Variants in TMPRSS4 observed in about 807,000 individuals in gnomAD.
TMPRSS4 encodes transmembrane protease serine 4.
A neutral mutation model predicts 56.4 loss-of-function variants in TMPRSS4; 45 were observed. The ratio of observed to expected loss-of-function variants is 0.80; its 90% CI spans 0.63 to 1.02. TMPRSS4 has a LOEUF of 1.02. Among genes scored for constraint, TMPRSS4 ranks in the 50% least tolerant of loss-of-function variants. The probability of loss-of-function intolerance (pLI) is 0.00; values close to 1 mark genes in which losing one functional copy is unlikely to be tolerated. For missense variants in TMPRSS4, 546 were observed against 556.7 expected (o/e 0.98, Z 0.19); for synonymous variants, 205 against 211.0 (o/e 0.97, Z 0.25).
chr11:118,112,824 C>CTTTTT (rs5795113), intron 8 of TMPRSS4, among the ~76,000 whole-genome samples: 3 of 128,464 alleles, frequency 2.3e-5, no homozygotes, highest in Admixed American at 8.1e-5. Flanking sequence ...TTTTTAACCA[C>CTTTTT]TTTTTTTTTT....
intron 9 of TMPRSS4, 113 bp downstream of exon 9, chr11:118,113,548 C>T: frequency 7.8e-7 from 1 of 1,279,474 alleles, no homozygotes; most frequent in Non-Finnish European, 1.1e-6. Flanking sequence ...AAGTCCTCAG[C>T]TTGCCCATTT....
At position 118,115,224 on chromosome 11, in the gene TMPRSS4, G is replaced by C; in HGVS notation, c.1096G>C (p.Val366Leu). The change falls in exon 11 of 13, where the codon GTC becomes CTC. Residue 366 changes from valine to leucine, a missense_variant. Coordinates refer to ENST00000437212, the MANE Select transcript of TMPRSS4 (RefSeq NM_019894.4). Reference sequence around the variant, plus strand: ...TGCAGACGATGCGTACCAGGGGGAAGTCACCGAGAAGATGATGTGTGCAGG... The same window carrying C: ...TGCAGACGATGCGTACCAGGGGGAACTCACCGAGAAGATGATGTGTGCAGG... ...CNADDAYQGE[V>L]TEKMMCAGIP... The C allele has an allele frequency of 6.2e-7, 1 of 1,612,998 alleles. No homozygotes were observed. Among genetic ancestry groups the C allele is most frequent in the South Asian group, 1.1e-5 (1 of 90,312 alleles).
rs973602132 is a variant in TMPRSS4 at position 118,119,196 on chromosome 11, G to C, written c.*1283G>C. The C allele has an allele frequency of 1.0e-6, 1 of 985,406 alleles. No individual in the cohort carries two copies. The highest frequency in any genetic ancestry group is 1.7e-5 in the African/African-American group (1 of 57,336). The allele number at this position is 985,406 out of a possible 1,614,324, so 61.0% of individuals were successfully genotyped here. A position where few individuals can be genotyped will look rare whatever the true frequency, so the allele number is the denominator to read the frequency against. On this transcript the variant is annotated 3_prime_UTR_variant, in exon 13 of 13. Coordinates refer to ENST00000437212, the MANE Select transcript of TMPRSS4 (RefSeq NM_019894.4). Reference sequence around the variant, plus strand: ...ATCAGAACTGTGAGTGGAAACTAAGGTGATGATCTGGGAGCAATACACTAA... The same window carrying C: ...ATCAGAACTGTGAGTGGAAACTAAGCTGATGATCTGGGAGCAATACACTAA...
intron 11 of TMPRSS4, 88 bp downstream of exon 11, chr11:118,115,368 G>A (rs1947494292): frequency 6.7e-7 from 1 of 1,493,566 alleles, no homozygotes; most frequent in Middle Eastern, 1.8e-4. Flanking sequence ...ATGCCCTACA[G>A]GAAGCCTTGC....
At chr11:118,125,185 A>G (rs1947863763), downstream of TMPRSS4, 2 of 442,124 alleles carry the variant, frequency 4.5e-6, no homozygotes, top group Non-Finnish European at 9.2e-6. Flanking sequence ...CTTCCGGGAA[A>G]GGCTGAGTAA....
chr11:118,117,795 G>C (rs1426704007), intron 12 of TMPRSS4, 107 bp from the exon 13 acceptor site: 1 of 1,606,796 alleles, frequency 6.2e-7, no homozygotes, highest in Admixed American at 1.7e-5. Flanking sequence ...GCAGGGTAGG[G>C]AGAGAAGCAA....
At chr11:118,083,995 G>T (rs943157712) in intron 1 of TMPRSS4, among the ~76,000 whole-genome samples, 2 of 152,038 alleles carry the variant, frequency 1.3e-5, no homozygotes, top group Admixed American at 1.3e-4. Context: ...CCGAGACAGC[G>T]CCACTGCACT....
At chr11:118,117,255 C>A (rs201796668) in intron 11 of TMPRSS4, 50 bp from the exon 12 acceptor site, 14 of 1,602,460 alleles carry the variant, frequency 8.7e-6, no homozygotes, top group Non-Finnish European at 1.2e-5. Context: ...AGGAGAAGCC[C>A]CCCCACCTCA....
chr11:118,125,398 G>A (rs529138529), downstream of TMPRSS4: 87 of 455,828 alleles, frequency 1.9e-4, no homozygotes, highest in South Asian at 4.3e-4. Context: ...CACACACATC[G>A]CCTGACCACC....
In TMPRSS4 at chr11:118,117,311, AG is replaced by A; in HGVS notation, c.1160del (p.Ser387MetfsTer5). On this transcript the variant is annotated frameshift_variant, in exon 12 of 13. Coordinates refer to ENST00000437212, the MANE Select transcript of TMPRSS4 (RefSeq NM_019894.4). LOFTEE classifies it high-confidence loss of function. ...CTGTTCTGGTCTCTCACAGGGTGAC[AG>A]TGGTGGGCCCCTGATGTACCAATCT... ...EGGVDTCQGD[S>X]GGPLMYQSDQ... 1.2e-6 allele frequency: 2 copies of A among 1,614,118 alleles called. No homozygotes were observed. Among genetic ancestry groups the A allele is most frequent in the Non-Finnish European group, 8.5e-7 (1 of 1,180,024 alleles).
intron 1 of TMPRSS4, among the ~76,000 whole-genome samples, chr11:118,089,659 C>T (rs916833280): frequency 6.6e-6 from 1 of 152,086 alleles, no homozygotes; most frequent in African/African-American, 2.4e-5. Flanking sequence ...AAGTGTCTTT[C>T]GTTTATTAAT....
At chr11:118,079,095 T>G (rs1944925376) in intron 1 of TMPRSS4, among the ~76,000 whole-genome samples, 1 of 151,916 alleles carries the variant, frequency 6.6e-6, no homozygotes, top group South Asian at 2.1e-4. Flanking sequence ...AGGGGTCAGG[T>G]CAGGCCTGGG....
At chr11:118,116,628 G>A (rs1342130720) in intron 11 of TMPRSS4, among the ~76,000 whole-genome samples, 2 of 151,396 alleles carry the variant, frequency 1.3e-5, no homozygotes, top group Non-Finnish European at 2.9e-5. Flanking sequence ...GATCCCAATT[G>A]CTTAGAACAC....
intron 2 of TMPRSS4, among the ~76,000 whole-genome samples, chr11:118,096,744 C>G (rs1285274048): frequency 2.7e-5 from 4 of 150,646 alleles, no homozygotes. Flanking sequence ...CAAGATCATG[C>G]CACTGCCACT....
intron 1 of TMPRSS4, chr11:118,087,512 G>A (rs966864955): frequency 6.6e-6 from 1 of 152,216 alleles, no homozygotes; most frequent in African/African-American, 2.4e-5. Context: ...GAGGTTCAGA[G>A]ACATTGAGGA....
Position 118,121,567 on chromosome 11 carries a change from CAG to C in TMPRSS4, c.*3655_*3656del, listed in dbSNP as rs1947795141. ...AGAGATGGGGTTTCACTGTGTTGGC[CAG>C]GCCGGTCTCAAACTCCCGACCTCAA... is the stretch of plus-strand genomic sequence containing the variant. On this transcript the variant is annotated 3_prime_UTR_variant, in exon 13 of 13. Coordinates refer to ENST00000437212, the MANE Select transcript of TMPRSS4 (RefSeq NM_019894.4). 1 of 152,166 alleles carries C rather than the reference CAG, an allele frequency of 6.6e-6. No homozygotes were observed. Among genetic ancestry groups the C allele is most frequent in the Non-Finnish European group, 1.5e-5 (1 of 68,044 alleles). 9.4% of individuals were successfully genotyped at this position (152,166 alleles called of 1,614,324 possible). A position where few individuals can be genotyped will look rare whatever the true frequency, so the allele number is the denominator to read the frequency against.
chr11:118,096,912 G>GA lies in TMPRSS4; in HGVS notation c.43+2057_43+2058insA, dbSNP rs1228634222. 5.8e-3 allele frequency among the ~76,000 whole-genome samples: 54 copies of GA among 9,380 alleles called. 4 individuals carry two copies. The highest frequency in any genetic ancestry group is 0.021 in the African/African-American group (49 of 2,334). 6.2% of individuals were successfully genotyped at this position (9,380 alleles called of 152,430 possible). On this transcript the variant is annotated intron_variant, in intron 2 of 12. Coordinates refer to ENST00000437212, the MANE Select transcript of TMPRSS4 (RefSeq NM_019894.4). Reference sequence around the variant, plus strand: ...GAAAGAAAGAAAGAAAGAAAGAAAGGGAGAGAGAAAGGAAAGAAAGAAAGA... The same window carrying GA: ...GAAAGAAAGAAAGAAAGAAAGAAAGGAGAGAGAGAAAGGAAAGAAAGAAAGA...
chr11:118,085,847 G>A (rs1319723175), intron 1 of TMPRSS4, among the ~76,000 whole-genome samples: 1 of 152,194 alleles, frequency 6.6e-6, no homozygotes, highest in African/African-American at 2.4e-5. Context: ...ACCCTTCCAG[G>A]AGGGGAAGGT....
intron 1 of TMPRSS4, among the ~76,000 whole-genome samples, chr11:118,082,510 G>A (rs914116482): frequency 1.3e-5 from 2 of 151,120 alleles, no homozygotes; most frequent in Non-Finnish European, 2.9e-5. Flanking sequence ...GCAGTAAGCC[G>A]AGATCACACC....
Sources: allele counts gnomAD v4.1 joint callset (sites outside exome capture counted in the v4.1 genomes callset), GRCh38; gene constraint gnomAD v4.1.1; transcripts MANE v1.5; gene names NCBI Gene and HGNC (gene_info 2026-07-23, HGNC 2026-07-21).